The following ZCCHC10 variants were observed in gnomAD, a reference collection of about 807,000 sequenced individuals.
The protein encoded by ZCCHC10 is zinc finger CCHC-type containing 10.
Under a neutral mutation model 19.5 loss-of-function variants are expected in ZCCHC10, and 16 were observed. The observed-to-expected ratio is 0.82, with a 90% CI of 0.56 to 1.25. The LOEUF (loss-of-function observed/expected upper bound fraction) is 1.25. ZCCHC10 is among the 50% of genes most tolerant of loss of function. The pLI is 0.00. For missense variants in ZCCHC10, 197 were observed against 201.0 expected (o/e 0.98, Z 0.12); for synonymous variants, 67 against 72.5 (o/e 0.92, Z 0.38).
At chr5:133,000,521 G>A (rs1327087941) in intron 3 of ZCCHC10, among the ~76,000 whole-genome samples, 14 of 152,026 alleles carry the variant, frequency 9.2e-5, no homozygotes. Context: ...AAAGCTAATA[G>A]CACAATAGCC....
intron 2 of ZCCHC10, among the ~76,000 whole-genome samples, chr5:133,014,845 G>T (rs866946826): frequency 2.0e-5 from 3 of 152,196 alleles, no homozygotes; most frequent in African/African-American, 7.2e-5. Flanking sequence ...GGTATAATGC[G>T]TGATTACACA....
At chr5:133,020,574 A>G (rs1425071750) in intron 2 of ZCCHC10, among the ~76,000 whole-genome samples, 1 of 151,540 alleles carries the variant, frequency 6.6e-6, no homozygotes, top group African/African-American at 2.4e-5. Flanking sequence ...ACGAGATATG[A>G]TCATACAACT....
At chr5:133,000,703 C>T (rs563803926) in intron 3 of ZCCHC10, among the ~76,000 whole-genome samples, 7 of 147,762 alleles carry the variant, frequency 4.7e-5, no homozygotes, top group East Asian at 2.0e-4. Flanking sequence ...GGTGCAGTGG[C>T]GCGATCTTGG....
chr5:133,026,083 G>A (rs749630289), intron 1 of ZCCHC10, among the ~76,000 whole-genome samples: 8 of 152,234 alleles, frequency 5.3e-5, no homozygotes, highest in Non-Finnish European at 7.3e-5. Context: ...GAATAAGGAA[G>A]TAGGAAAAGG....
In ZCCHC10 at chr5:132,998,346, A is replaced by G. The variant is rs561931144; in HGVS notation, c.*237T>C. 1.4e-4 allele frequency: 53 copies of G among 380,378 alleles called. No individual in the cohort carries two copies. The South Asian group carries it at 1.9e-3, about 13-fold the overall frequency. The allele number at this position is 380,378 out of a possible 1,614,324, so 23.6% of individuals were successfully genotyped here. Reference sequence around the variant, plus strand: ...AAACAGATTTGCAGATTTCAGCTTTAAGTTCTAGAGATATATTTTAAAGAT... The same window carrying G: ...AAACAGATTTGCAGATTTCAGCTTTGAGTTCTAGAGATATATTTTAAAGAT... On this transcript the variant is annotated 3_prime_UTR_variant, in exon 5 of 5. Coordinates refer to ENST00000509437, the MANE Select transcript of ZCCHC10 (RefSeq NM_001300816.3).
intron 2 of ZCCHC10, among the ~76,000 whole-genome samples, chr5:133,022,105 A>T (rs1433039651): frequency 1.3e-5 from 2 of 151,988 alleles, no homozygotes; most frequent in East Asian, 1.9e-4. Context: ...CTACTTTATA[A>T]CTTATAAATG....
At chr5:133,017,916 G>C (rs1764028686) in intron 2 of ZCCHC10, among the ~76,000 whole-genome samples, 1 of 151,994 alleles carries the variant, frequency 6.6e-6, no homozygotes, top group African/African-American at 2.4e-5. Context: ...AGGCCAGGTG[G>C]GTGGATCACT....
chr5:133,019,959 A>G (rs2126643945), intron 2 of ZCCHC10, among the ~76,000 whole-genome samples: 1 of 151,978 alleles, frequency 6.6e-6, no homozygotes, highest in South Asian at 2.1e-4. Context: ...CTCAAAAAAA[A>G]AAAAAAAGAA....
At chr5:133,005,592 T>A (rs1467843684) in intron 3 of ZCCHC10, among the ~76,000 whole-genome samples, 1 of 152,124 alleles carries the variant, frequency 6.6e-6, no homozygotes, top group Non-Finnish European at 1.5e-5. Context: ...GATGACACAG[T>A]GAGACTCTGT....
chr5:133,015,353 A>ACAGG (rs1207946203), intron 2 of ZCCHC10, among the ~76,000 whole-genome samples: 4 of 152,302 alleles, frequency 2.6e-5, no homozygotes, highest in African/African-American at 9.6e-5. Flanking sequence ...TGCTGGGATT[A>ACAGG]CAGGCAGAAG....
intron 3 of ZCCHC10, among the ~76,000 whole-genome samples, chr5:133,006,408 A>C (rs948575053): frequency 6.6e-6 from 1 of 152,176 alleles, no homozygotes; most frequent in Non-Finnish European, 1.5e-5. Flanking sequence ...CAAAAAAGCA[A>C]AATGATTAAG....
chr5:133,013,417 G>A (rs1763705265), intron 2 of ZCCHC10, among the ~76,000 whole-genome samples: 1 of 151,994 alleles, frequency 6.6e-6, no homozygotes, highest in African/African-American at 2.4e-5. Flanking sequence ...AATAGCAAAT[G>A]TTAGCAAAGA....
chr5:133,003,351 G>T, intron 3 of ZCCHC10: 2 of 376,722 alleles, frequency 5.3e-6, no homozygotes, highest in Admixed American at 3.1e-5. Context: ...GAAGAAAGAA[G>T]GTTCAGATTT....
intron 2 of ZCCHC10, among the ~76,000 whole-genome samples, chr5:133,015,081 T>G (rs1188579339): frequency 3.3e-5 from 5 of 150,214 alleles, no homozygotes; most frequent in Non-Finnish European, 5.9e-5. Flanking sequence ...TGTGAGGTTT[T>G]TTTTTTTTTT....
At chr5:133,020,106 G>A (rs1034324446) in intron 2 of ZCCHC10, among the ~76,000 whole-genome samples, 9 of 152,098 alleles carry the variant, frequency 5.9e-5, no homozygotes, top group Non-Finnish European at 1.0e-4. Context: ...AGAGGTGGGA[G>A]GATCATTTGA....
intron 3 of ZCCHC10, among the ~76,000 whole-genome samples, chr5:133,002,086 G>A (rs987868805): frequency 3.5e-5 from 5 of 142,782 alleles, no homozygotes; most frequent in African/African-American, 1.0e-4. Context: ...TCAGCCTCCC[G>A]AGTAGCTGGG....
intron 2 of ZCCHC10, among the ~76,000 whole-genome samples, chr5:133,009,613 CAAAAAAAAA>C (rs59555378): frequency 2.5e-4 from 14 of 55,524 alleles, no homozygotes; most frequent in Non-Finnish European, 4.0e-4. Flanking sequence ...GACTCCGTCT[CAAAAAAAAA>C]AAAAAAAAAA....
chr5:133,010,088 G>A (rs532882382), intron 2 of ZCCHC10, among the ~76,000 whole-genome samples: 22 of 138,736 alleles, frequency 1.6e-4, no homozygotes, highest in African/African-American at 2.3e-4. Context: ...TTGCTCTGTC[G>A]CCCAGGCTAG....
Position 132,998,434 on chromosome 5 carries a change from C to T in ZCCHC10, c.*149G>A. On this transcript the variant is annotated 3_prime_UTR_variant, in exon 5 of 5. Transcript: ENST00000509437. ...CTCTATAAGCCATTATTAATATTCT[C>T]TATGCTCTTACAATGTAAAACATTT... 5 of 672,658 alleles carry T rather than the reference C, an allele frequency of 7.4e-6. No homozygotes were observed. Among genetic ancestry groups the T allele is most frequent in the Non-Finnish European group, 9.9e-6 (4 of 405,574 alleles). 41.7% of individuals were successfully genotyped at this position (672,658 alleles called of 1,614,324 possible). A position where few individuals can be genotyped will look rare whatever the true frequency, so the allele number is the denominator to read the frequency against.
Sources: allele counts gnomAD v4.1 joint callset (sites outside exome capture counted in the v4.1 genomes callset), GRCh38; gene constraint gnomAD v4.1.1; transcripts MANE v1.5; gene names NCBI Gene and HGNC (gene_info 2026-07-23, HGNC 2026-07-21).